SZT2: variants seen among roughly 807,000 people sequenced by gnomAD.
The protein encoded by SZT2 is KICSTOR complex protein SZT2.
SZT2 carries 216 observed loss-of-function variants against 404.2 expected under a neutral mutation model. That is an observed-to-expected ratio of 0.53 (90% CI 0.48 to 0.60). The LOEUF (loss-of-function observed/expected upper bound fraction) is 0.60, where lower values mean the gene tolerates loss of function less well. SZT2 is among the 20% of genes least tolerant of loss of function. The pLI is 0.00. For synonymous variants in SZT2, 1,693 were observed against 1,749.9 expected, an observed-to-expected ratio of 0.97 and a Z score of 0.81; for missense variants, 3,857 against 4,459.2, an observed-to-expected ratio of 0.86 and a Z score of 3.85.
In SZT2 at chr1:43,446,250, G is replaced by A; in HGVS notation, c.8988G>A (p.Leu2996=). ...CTGGGGGCATCATCCTCATGGAACT[G>A]GCATTCCAGGTAAGCAGGAGGAGCA... ...ALPGGIILME[L]AFQGCYFCVK... The change falls in exon 64 of 72, where the codon CTG becomes CTA. Residue 2996 remains leucine (L), a synonymous_variant. Coordinates refer to ENST00000634258, the MANE Select transcript of SZT2 (RefSeq NM_001365999.1). The A allele has an allele frequency of 6.2e-7, 1 of 1,614,242 alleles. No individual in the cohort carries two copies.
Position 43,447,964 on chromosome 1 carries a change from G to C in SZT2, c.9556G>C (p.Val3186Leu). The change falls in exon 68 of 72, where the codon GTT (valine) becomes CTT (leucine). Residue 3186 changes from valine (V) to leucine (L), a missense_variant. By Grantham distance (32) the Val-to-Leu change is conservative. Coordinates refer to ENST00000634258, the MANE Select transcript of SZT2 (RefSeq NM_001365999.1). ...FEEQGEAERH[V>L]LRLQFFVVLT... ...GGAGCAAGGAGAGGCTGAGCGGCACGTTCTGCGGTCAGCAGATCCCCTACC... is the reference window on the plus strand; with the variant it reads ...GGAGCAAGGAGAGGCTGAGCGGCACCTTCTGCGGTCAGCAGATCCCCTACC... 6.2e-7 allele frequency: 1 copy of C among 1,613,906 alleles called. No homozygotes were observed. The highest frequency in any genetic ancestry group is 8.5e-7 in the Non-Finnish European group (1 of 1,180,004).
chr1:43,442,277 C>G lies in SZT2; in HGVS notation c.7883C>G (p.Ala2628Gly). The G allele has an allele frequency of 6.2e-7, 1 of 1,613,336 alleles. No homozygotes were observed. The highest frequency in any genetic ancestry group is 8.5e-7 in the Non-Finnish European group (1 of 1,179,596). ...WRRPTQQAAK[A>G]MQRFEPGGDG... ...CTCCCCCACCCTGTAGCTGCCAAAG[C>G]CATGCAGCGCTTCGAGCCAGGAGGT... Residue 2628 changes from alanine (A) to glycine (G), a missense_variant, in exon 57 of 72, where the codon GCC (alanine) becomes GGC (glycine). Transcript: ENST00000634258. The surrounding 1 kb of genome is among the most constrained non-coding windows in gnomAD (Gnocchi z 4.5).
At chr1:43,430,817 C>T (rs1468332994) in intron 32 of SZT2, 28 bp downstream of exon 32, 1 of 1,595,978 alleles carries the variant, frequency 6.3e-7, no homozygotes, top group Non-Finnish European at 8.5e-7. Flanking sequence ...CGAGGGAAAG[C>T]CAAAGGTCCT....
In SZT2 at chr1:43,428,468, T is replaced by G; in HGVS notation, c.4148T>G (p.Ile1383Ser). The change falls in exon 28 of 72, where the codon ATC becomes AGC. Residue 1383 changes from isoleucine (I) to serine (S), a missense_variant. By Grantham distance (142) the Ile-to-Ser change is moderately radical. Transcript: ENST00000634258. ...EEGAEPRERA[I>S]LASESSIETE... ...GGTGCTGAACCTCGGGAACGAGCTATCCTAGCTTCTGAATCCAGGTTAGGA... is the reference window on the plus strand; with the variant it reads ...GGTGCTGAACCTCGGGAACGAGCTAGCCTAGCTTCTGAATCCAGGTTAGGA... 1 of 1,613,908 alleles carries G rather than the reference T, an allele frequency of 6.2e-7. No individual in the cohort carries two copies. Among genetic ancestry groups the G allele is most frequent in the African/African-American group, 1.3e-5 (1 of 75,030 alleles).
intron 62 of SZT2, 64 bp from the exon 63 acceptor site, chr1:43,445,830 C>A: frequency 1.3e-6 from 2 of 1,482,206 alleles, no homozygotes; most frequent in South Asian, 2.3e-5. Flanking sequence ...GATTCTGGGT[C>A]TGATCACCAT....
At chr1:43,396,692 G>C (rs1369700265) in intron 1 of SZT2, among the ~76,000 whole-genome samples, 1 of 152,238 alleles carries the variant, frequency 6.6e-6, no homozygotes, top group African/African-American at 2.4e-5. Context: ...CTCACCCAGA[G>C]TCTTAGCTGT....
intron 65 of SZT2, 148 bp from the exon 66 acceptor site, chr1:43,446,802 GCCTTC>G: frequency 1.3e-6 from 1 of 744,372 alleles, no homozygotes; most frequent in Non-Finnish European, 2.2e-6. Flanking sequence ...GAATGGGGAG[GCCTTC>G]CCACAGAAAC....
chr1:43,401,694 C>T (rs1438788463), intron 1 of SZT2, among the ~76,000 whole-genome samples: 1 of 152,130 alleles, frequency 6.6e-6, no homozygotes, highest in African/African-American at 2.4e-5. Flanking sequence ...CCATGTTGGC[C>T]AGGCTGGTCT....
rs376558364 is a variant in SZT2, at chr1:43,439,332, G to C, written c.6793-26G>C. On this transcript the variant is annotated intron_variant, in intron 48 of 71. Coordinates refer to ENST00000634258, the MANE Select transcript of SZT2 (RefSeq NM_001365999.1). This position sits in a 1 kb window ranked among gnomAD's most constrained non-coding sequence, Gnocchi z 4.2. The stretch of plus-strand genomic sequence containing the variant: ...GGTTTTGTCCATTTGCTTGCTCTTA[G>C]TGCTCTGTGGCTGTTCTTTCCCCAG... 95 of 1,613,050 alleles carry C rather than the reference G, an allele frequency of 5.9e-5. No homozygotes were observed. The highest frequency in any genetic ancestry group is 4.9e-4 in the Middle Eastern group (3 of 6,082).
intron 1 of SZT2, among the ~76,000 whole-genome samples, chr1:43,394,598 G>A (rs375395329): frequency 2.2e-4 from 34 of 152,324 alleles, no homozygotes; most frequent in African/African-American, 8.2e-4. Context: ...TAGTTGTTGG[G>A]CTGGGCGCGG....
intron 1 of SZT2, among the ~76,000 whole-genome samples, chr1:43,401,095 T>C (rs1649628126): frequency 6.6e-6 from 1 of 152,024 alleles, no homozygotes; most frequent in Non-Finnish European, 1.5e-5. Flanking sequence ...CTAATTTTTG[T>C]GTTTTTAGTA....
chr1:43,391,042 C>T (rs1216495967), intron 1 of SZT2, among the ~76,000 whole-genome samples: 3 of 152,128 alleles, frequency 2.0e-5, no homozygotes, highest in East Asian at 1.9e-4. Context: ...GTAAGCCGGG[C>T]GCAGTGGCTT....
Position 43,433,122 on chromosome 1 carries a change from C to T in SZT2, c.5736C>T (p.Pro1912=). The part of the protein sequence containing the change: ...PQPSLSGLPG[P]CLPDFWLIVR... ...CTTCACTCTCAGGCCTCCCTGGGCC[C>T]TGCCTGCCTGACTTCTGGCTCATTG... Residue 1912 remains proline, a synonymous_variant, in exon 40 of 72, where the codon CCC becomes CCT. Coordinates refer to ENST00000634258, the MANE Select transcript of SZT2 (RefSeq NM_001365999.1). 3 of 1,614,198 alleles carry T rather than the reference C, an allele frequency of 1.9e-6. No individual in the cohort carries two copies. Among genetic ancestry groups the T allele is most frequent in the Non-Finnish European group, 2.5e-6 (3 of 1,180,046 alleles).
chr1:43,433,222 C>A (rs1162234814), intron 40 of SZT2, 32 bp downstream of exon 40: 53 of 1,604,512 alleles, frequency 3.3e-5, no homozygotes, highest in Non-Finnish European at 4.3e-5. Flanking sequence ...CACCCTCATG[C>A]TCCCATTAAC....
Position 43,422,975 on chromosome 1 carries a change from G to A in SZT2, c.2037+92G>A, listed in dbSNP as rs1570632305. 8 of 1,484,046 alleles carry A rather than the reference G, an allele frequency of 5.4e-6. No homozygotes were observed. The East Asian group carries it at 1.5e-4, about 27-fold the overall frequency. 91.9% of individuals were successfully genotyped at this position (1,484,046 alleles called of 1,614,324 possible). On this transcript the variant is annotated intron_variant, in intron 14 of 71. Coordinates refer to ENST00000634258, the MANE Select transcript of SZT2 (RefSeq NM_001365999.1). Reference sequence around the variant, plus strand: ...ACCCCACAGGGCCAGGTCTAATAGAGGGAGGAGCCCCCAGACCAAGGAAGA... The same window carrying A: ...ACCCCACAGGGCCAGGTCTAATAGAAGGAGGAGCCCCCAGACCAAGGAAGA...
At position 43,432,430 on chromosome 1, in the gene SZT2, C is replaced by T. The variant is rs769021757; in HGVS notation, c.5433C>T (p.Ile1811=). The change falls in exon 37 of 72, where the codon ATC becomes ATT. Residue 1811 remains isoleucine (I), a synonymous_variant. Transcript: ENST00000634258. ...WHSHEDRAEG[I]EGETLTASPQ... The stretch of plus-strand genomic sequence containing the variant: ...GTCATGAGGACAGGGCTGAAGGCAT[C>T]GAAGGGGAGGTGAGTCTCACCTGGG... 1.3e-5 allele frequency: 20 copies of T among 1,558,346 alleles called. No individual in the cohort carries two copies. In the Admixed American group the frequency reaches 1.4e-4, roughly 11 times the overall value.
chr1:43,452,287 C>A lies in SZT2; in HGVS notation c.*1807C>A, dbSNP rs368838329. ...AGCCTTGACTGCTATTCGATCAGCT[C>A]CCTGGGGTACTCGGCCAGCCATCAG... On this transcript the variant is annotated 3_prime_UTR_variant, in exon 72 of 72. Transcript: ENST00000634258. The A allele has an allele frequency of 1.2e-6, 2 of 1,614,084 alleles. No homozygotes were observed. The highest frequency in any genetic ancestry group is 1.7e-5 in the Admixed American group (1 of 60,020).
At position 43,427,285 on chromosome 1, in the gene SZT2, C is replaced by T; in HGVS notation, c.3438C>T (p.Val1146=). ...LTFLPATFSD[V]QRLAACGLEG... is the part of the protein sequence containing the mutation. ...TTTATGTCTGATCCTCTTCAGATGT[C>T]CAGCGTCTGGCTGCCTGTGGCCTGG... Residue 1146 remains valine (V), a synonymous_variant, in exon 25 of 72, where the codon GTC becomes GTT. Transcript: ENST00000634258. 6.2e-7 allele frequency: 1 copy of T among 1,608,830 alleles called. No individual in the cohort carries two copies. Among genetic ancestry groups the T allele is most frequent in the Non-Finnish European group, 8.5e-7 (1 of 1,177,330 alleles).
chr1:43,423,018 T>A (rs1652600791), intron 14 of SZT2, 81 bp from the exon 15 acceptor site: 2 of 1,504,094 alleles, frequency 1.3e-6, no homozygotes, highest in Non-Finnish European at 1.8e-6. Flanking sequence ...AAGAGGGCTG[T>A]GTCTCACTTT....
Sources: gnomAD v4.1 joint callset for allele counts (sites outside exome capture counted in the v4.1 genomes callset) on GRCh38, gnomAD v4.1.1 for gene constraint, Gnocchi (gnomAD v3.1) non-coding constraint, MANE v1.5 for transcripts, NCBI Gene and HGNC (gene_info 2026-07-23, HGNC 2026-07-21) for gene names.